SPIDR: variants seen among roughly 807,000 people sequenced by gnomAD.
The protein encoded by SPIDR is DNA repair-scaffolding protein.
Under a neutral mutation model 104.6 loss-of-function variants are expected in SPIDR, and 93 were observed. The ratio of observed to expected loss-of-function variants is 0.89; its 90% CI spans 0.75 to 1.06. SPIDR has a LOEUF of 1.06. SPIDR is among the 50% of genes least tolerant of loss of function. SPIDR has a pLI of 0.00. For missense variants in SPIDR, 1,154 were observed against 1,111.2 expected (o/e 1.04, Z -0.55); for synonymous variants, 431 against 416.9 (o/e 1.03, Z -0.41).
At chr8:47,697,188 A>C (rs1236121452) in intron 11 of SPIDR, among the ~76,000 whole-genome samples, 1 of 151,912 alleles carries the variant, frequency 6.6e-6, no homozygotes, top group Non-Finnish European at 1.5e-5. Context: ...GCCTTCCTTT[A>C]AAGAGTGTGG....
intron 6 of SPIDR, among the ~76,000 whole-genome samples, chr8:47,399,983 G>A (rs1554661374): frequency 1.3e-5 from 2 of 152,176 alleles, no homozygotes; most frequent in African/African-American, 2.4e-5. Context: ...GCGAGTGGAG[G>A]ACACCATCTT....
intron 7 of SPIDR, among the ~76,000 whole-genome samples, chr8:47,411,876 T>C (rs2063578757): frequency 2.0e-5 from 3 of 152,246 alleles, no homozygotes; most frequent in Admixed American, 2.0e-4. Flanking sequence ...TACATATCGC[T>C]ACCTAGTTTT....
intron 5 of SPIDR, among the ~76,000 whole-genome samples, chr8:47,307,145 G>A (rs587768090): frequency 4.6e-5 from 7 of 151,188 alleles, no homozygotes; most frequent in African/African-American, 1.5e-4. Context: ...TTTTTGTGGG[G>A]GCCCTCATTT....
intron 10 of SPIDR, among the ~76,000 whole-genome samples, chr8:47,621,669 G>A (rs1276239560): frequency 1.3e-5 from 2 of 152,224 alleles, no homozygotes; most frequent in Non-Finnish European, 2.9e-5. Context: ...TCAAAGGTGT[G>A]CTCAGTTCTA....
At chr8:47,296,277 A>G (rs1554572671) in intron 5 of SPIDR, among the ~76,000 whole-genome samples, 25 of 152,084 alleles carry the variant, frequency 1.6e-4, no homozygotes, top group Non-Finnish European at 2.9e-4. Flanking sequence ...GTTAGATGCA[A>G]TCTCATATGT....
At chr8:47,589,022 GTTTT>G (rs1168001066) in intron 8 of SPIDR, among the ~76,000 whole-genome samples, 3 of 89,056 alleles carry the variant, frequency 3.4e-5, no homozygotes, top group African/African-American at 1.2e-4. Flanking sequence ...TTTATAGTTT[GTTTT>G]TTTTTTTTTT....
At chr8:47,471,325 CAAA>C (rs35332610) in intron 8 of SPIDR, among the ~76,000 whole-genome samples, 17 of 110,718 alleles carry the variant, frequency 1.5e-4, no homozygotes, top group Non-Finnish European at 1.8e-4. Context: ...AATTCAATGT[CAAA>C]AAAAAAAAAA....
chr8:47,661,014 T>C, intron 10 of SPIDR: 1 of 977,336 alleles, frequency 1.0e-6, no homozygotes, highest in African/African-American at 1.7e-5. Flanking sequence ...GTACCCAAAC[T>C]CCTAGTGTCC....
At chr8:47,533,932 T>A (rs1348928197) in intron 8 of SPIDR, among the ~76,000 whole-genome samples, 2 of 152,178 alleles carry the variant, frequency 1.3e-5, no homozygotes, top group Admixed American at 1.3e-4. Flanking sequence ...AAGGTTTGGC[T>A]CTGTGTCCCC....
intron 7 of SPIDR, among the ~76,000 whole-genome samples, chr8:47,436,594 T>C (rs2068369162): frequency 6.6e-6 from 1 of 152,030 alleles, no homozygotes; most frequent in Admixed American, 6.6e-5. Context: ...GTTATGGTGG[T>C]GCGAGCCTGT....
chr8:47,365,449 G>A (rs1352330753), intron 5 of SPIDR, among the ~76,000 whole-genome samples: 1 of 152,072 alleles, frequency 6.6e-6, no homozygotes, highest in South Asian at 2.1e-4. Context: ...GGGTCTTTCC[G>A]AGCAACATGG....
intron 5 of SPIDR, among the ~76,000 whole-genome samples, chr8:47,371,125 C>T (rs2057961415): frequency 6.9e-6 from 1 of 143,930 alleles, no homozygotes; most frequent in Non-Finnish European, 1.5e-5. Flanking sequence ...ATAACACAAG[C>T]AGGTTTTTTT....
At chr8:47,503,889 C>G in intron 8 of SPIDR, among the ~76,000 whole-genome samples, 1 of 152,126 alleles carries the variant, frequency 6.6e-6, no homozygotes, top group Non-Finnish European at 1.5e-5. Context: ...CTCCTTCACT[C>G]ATGAAGCTTA....
At chr8:47,343,972 TTTTATTA>T (rs1192074930) in intron 5 of SPIDR, among the ~76,000 whole-genome samples, 5 of 151,628 alleles carry the variant, frequency 3.3e-5, no homozygotes. Context: ...TTCTTTTTTT[TTTTATTA>T]TTATTATACG....
chr8:47,354,445 T>C (rs373487301), intron 5 of SPIDR, among the ~76,000 whole-genome samples: 11 of 152,062 alleles, frequency 7.2e-5, no homozygotes, highest in Admixed American at 2.0e-4. Context: ...TTGGCACTTA[T>C]CAGTTTTGCC....
Position 47,434,186 on chromosome 8 carries a change from T to G in SPIDR, c.878-6137T>G, listed in dbSNP as rs531106593. Among the ~76,000 whole-genome samples, 5 of 152,218 alleles carry G rather than the reference T, an allele frequency of 3.3e-5. No homozygotes were observed. In the East Asian group the frequency reaches 9.6e-4, roughly 29 times the overall value. On this transcript the variant is annotated intron_variant, in intron 7 of 19. Transcript: ENST00000297423. ...TATCATCACAGCTGGTGGTAACCAG[T>G]GTTAGAGTGTTTATTAAAGACAGAG...
At chr8:47,708,851 T>C (rs1486875817) in intron 14 of SPIDR, among the ~76,000 whole-genome samples, 1 of 152,234 alleles carries the variant, frequency 6.6e-6, no homozygotes, top group Non-Finnish European at 1.5e-5. Flanking sequence ...ATAGCTCGTT[T>C]CCTTTTGAGT....
At chr8:47,312,187 C>T (rs1395281357) in intron 5 of SPIDR, among the ~76,000 whole-genome samples, 4 of 152,224 alleles carry the variant, frequency 2.6e-5, no homozygotes, top group Non-Finnish European at 2.9e-5. Flanking sequence ...CATAGGTGTG[C>T]GTGTGTCTTT....
At chr8:47,611,731 A>C (rs533340128) in intron 10 of SPIDR, among the ~76,000 whole-genome samples, 1 of 152,292 alleles carries the variant, frequency 6.6e-6, no homozygotes, top group East Asian at 1.9e-4. Context: ...TCAGTCGATA[A>C]TGATGTAAGG....
Sources: allele counts gnomAD v4.1 joint callset (sites outside exome capture counted in the v4.1 genomes callset), GRCh38; gene constraint gnomAD v4.1.1; transcripts MANE v1.5; gene names NCBI Gene and HGNC (gene_info 2026-07-23, HGNC 2026-07-21).